Variants in DNAH10 observed in about 807,000 individuals in gnomAD.
The protein encoded by DNAH10 is axonemal beta dynein heavy chain 10.
In DNAH10, 348 loss-of-function variants were observed where a neutral mutation model predicts 506.6. The observed-to-expected ratio is 0.69, with a 90% CI of 0.63 to 0.75. The LOEUF (loss-of-function observed/expected upper bound fraction) is 0.75. Among genes scored for constraint, DNAH10 ranks in the 30% least tolerant of loss-of-function variants. The pLI, the probability that DNAH10 is intolerant of heterozygous loss-of-function variation, is 0.00. For synonymous variants in DNAH10, 2,059 were observed against 2,198.6 expected, an observed-to-expected ratio of 0.94 and a Z score of 1.78; for missense variants, 5,179 against 5,787.1, an observed-to-expected ratio of 0.89 and a Z score of 3.41.
Position 123,787,798 on chromosome 12 carries a change from TC to T in DNAH10, c.1422-5del. ...CCTCCCATCACGGCATCTCTTGGCT[TC>T]GCAGAGAAAATCGAGCGAGTGCCCA... On this transcript the variant is annotated splice_region_variant and splice_polypyrimidine_tract_variant and intron_variant, in intron 9 of 78. Coordinates refer to ENST00000673944, the MANE Select transcript of DNAH10 (RefSeq NM_001372106.1). This position sits in a 1 kb window ranked among gnomAD's most constrained non-coding sequence, Gnocchi z 4.6. The T allele has an allele frequency of 6.2e-7, 1 of 1,612,656 alleles. No individual in the cohort carries two copies. The highest frequency in any genetic ancestry group is 1.7e-5 in the Admixed American group (1 of 59,780).
At position 123,846,192 on chromosome 12, in the gene DNAH10, T is replaced by C; in HGVS notation, c.5814+38T>C. 6.3e-7 allele frequency: 1 copy of C among 1,585,530 alleles called. No homozygotes were observed. The highest frequency in any genetic ancestry group is 1.1e-5 in the South Asian group (1 of 87,458). ...CTGGCACTTGTGGTTACCACTTACC[T>C]TGGGGCGGGGCATTTTCTCTAAGCT... On this transcript the variant is annotated intron_variant, in intron 32 of 78. Coordinates refer to ENST00000673944, the MANE Select transcript of DNAH10 (RefSeq NM_001372106.1). The surrounding 1 kb of genome is among the most constrained non-coding windows in gnomAD (Gnocchi z 4.5).
In DNAH10 at chr12:123,891,523, C is replaced by G. The variant is rs138943911; in HGVS notation, c.8996-1710C>G. Reference sequence around the variant, plus strand: ...CCGAGTGAACCATCCAGGGAGAGCCCAGCACTGAGTTCAGGTGGAAGAGGA... The same window carrying G: ...CCGAGTGAACCATCCAGGGAGAGCCGAGCACTGAGTTCAGGTGGAAGAGGA... On this transcript the variant is annotated intron_variant, in intron 52 of 78. Transcript: ENST00000673944. Among the ~76,000 whole-genome samples the G allele has an allele frequency of 3.0e-3, 456 of 152,150 alleles. 4 individuals are homozygous for G. The highest frequency in any genetic ancestry group is 0.01 in the African/African-American group (423 of 41,504).
At chr12:123,856,628 G>A (rs906682245) in intron 36 of DNAH10, among the ~76,000 whole-genome samples, 11 of 149,990 alleles carry the variant, frequency 7.3e-5, no homozygotes, top group East Asian at 1.9e-4. Flanking sequence ...CACTGCACCC[G>A]GCCATATATG....
intron 11 of DNAH10, among the ~76,000 whole-genome samples, chr12:123,793,015 G>A (rs2136231723): frequency 6.6e-6 from 1 of 152,248 alleles, no homozygotes; most frequent in Non-Finnish European, 1.5e-5. Flanking sequence ...CCTTTCTTTA[G>A]AAATTTGAAG....
chr12:123,853,615 T>G lies in DNAH10; in HGVS notation c.6438+263T>G, dbSNP rs1352590946. Reference sequence around the variant, plus strand: ...ATGCTTCCATAGTAATAATCTGTAGTCTCAGGATGGGTGTGGCGGAAGGGT... The same window carrying G: ...ATGCTTCCATAGTAATAATCTGTAGGCTCAGGATGGGTGTGGCGGAAGGGT... On this transcript the variant is annotated intron_variant, in intron 36 of 78. Coordinates refer to ENST00000673944, the MANE Select transcript of DNAH10 (RefSeq NM_001372106.1). The surrounding 1 kb of genome is among the most constrained non-coding windows in gnomAD (Gnocchi z 4.7). 6.6e-6 allele frequency among the ~76,000 whole-genome samples: 1 copy of G among 152,094 alleles called. No homozygotes were observed. Among genetic ancestry groups the G allele is most frequent in the East Asian group, 1.9e-4 (1 of 5,202 alleles).
chr12:123,915,065 G>A (rs1034018000), intron 62 of DNAH10, 66 bp downstream of exon 62: 4 of 1,510,452 alleles, frequency 2.6e-6, no homozygotes, highest in Non-Finnish European at 3.5e-6. Flanking sequence ...TGCCCCTCCC[G>A]CCTCCTGTAC....
chr12:123,859,268 A>G lies in DNAH10; in HGVS notation c.6749A>G (p.Lys2250Arg), dbSNP rs1293529738. 1.9e-6 allele frequency: 3 copies of G among 1,596,914 alleles called. No homozygotes were observed. Among genetic ancestry groups the G allele is most frequent in the Non-Finnish European group, 2.6e-6 (3 of 1,173,450 alleles). Residue 2250 changes from lysine (K) to arginine (R), a missense_variant and splice_region_variant, in exon 38 of 79, where the codon AAG (lysine) becomes AGG (arginine). Lys to Arg is a conservative substitution (Grantham distance 26). Transcript: ENST00000673944. ...AACACTCTGTGTCAGGCCCAGACCA[A>G]GTGAGTATGACCTCCGTAGGGAGGG... ...VINTLCQAQT[K>R]LGLTTKLYIL...
chr12:123,883,575 G>C (rs114966589), intron 51 of DNAH10, among the ~76,000 whole-genome samples: 4 of 152,060 alleles, frequency 2.6e-5, no homozygotes, highest in Non-Finnish European at 4.4e-5. Flanking sequence ...TTTGCCTCTG[G>C]TTGCATGATA....
rs532981261 is a variant in DNAH10 at position 123,776,636 on chromosome 12, TA to T, written c.621+2386del. On this transcript the variant is annotated intron_variant, in intron 5 of 78. Transcript: ENST00000673944. Reference sequence around the variant, plus strand: ...GGGTGACAGAGAGATATTCCATCTCTAAAAAAAAAAAAAAGAAAAATAAATT... The same window carrying T: ...GGGTGACAGAGAGATATTCCATCTCTAAAAAAAAAAAAAGAAAAATAAATT... 7.5e-3 allele frequency among the ~76,000 whole-genome samples: 974 copies of T among 129,850 alleles called. 10 individuals carry two copies. Among genetic ancestry groups the T allele is most frequent in the African/African-American group, 0.015 (542 of 36,062 alleles). 85.2% of individuals were successfully genotyped at this position (129,850 alleles called of 152,430 possible). A position where few individuals can be genotyped will look rare whatever the true frequency, so the allele number is the denominator to read the frequency against.
intron 57 of DNAH10, among the ~76,000 whole-genome samples, chr12:123,906,824 TA>T (rs1166051441): frequency 2.0e-5 from 3 of 152,214 alleles, no homozygotes; most frequent in Non-Finnish European, 4.4e-5. Flanking sequence ...TTTAAGTCCT[TA>T]AAAAGCGCTT....
In DNAH10 at chr12:123,898,769, G is replaced by A. The variant is rs1246358575; in HGVS notation, c.9595G>A (p.Ala3199Thr). 1.1e-5 allele frequency: 18 copies of A among 1,612,446 alleles called. No homozygotes were observed. The highest frequency in any genetic ancestry group is 4.5e-5 in the East Asian group (2 of 44,858). The part of the protein sequence containing the change: ...QKIVLAEKSA[A>T]CEALLEEIAV... Reference sequence around the variant, plus strand: ...GATCGTGCTGGCGGAGAAGTCCGCCGCCTGCGAGGCCTTGCTGGAGGAGAT... The same window carrying A: ...GATCGTGCTGGCGGAGAAGTCCGCCACCTGCGAGGCCTTGCTGGAGGAGAT... The change falls in exon 56 of 79, where the codon GCC (alanine) becomes ACC (threonine). Residue 3199 changes from alanine (A) to threonine (T), a missense_variant. Coordinates refer to ENST00000673944, the MANE Select transcript of DNAH10 (RefSeq NM_001372106.1).
At chr12:123,874,203 T>C (rs1005644280) in intron 46 of DNAH10, among the ~76,000 whole-genome samples, 1 of 152,156 alleles carries the variant, frequency 6.6e-6, no homozygotes, top group Non-Finnish European at 1.5e-5. Context: ...ATTATTTCAT[T>C]GAACCATTTT....
rs780395030 is a variant in DNAH10 at position 123,771,636 on chromosome 12, C to G, written c.334C>G (p.Gln112Glu). Residue 112 changes from glutamine to glutamate, a missense_variant, in exon 3 of 79, where the codon CAA becomes GAA. By Grantham distance (29) the Gln-to-Glu change is conservative (BLOSUM62 2). Coordinates refer to ENST00000673944, the MANE Select transcript of DNAH10 (RefSeq NM_001372106.1). ...RVSLRTESLG[Q>E]PLNREDEEMD... ...GTCACTGAGAACCGAATCTCTAGGC[C>G]AACCTCTAAACAGAGAGGATGAAGA... is the stretch of plus-strand genomic sequence containing the variant. The G allele has an allele frequency of 6.2e-7, 1 of 1,613,688 alleles. No homozygotes were observed. Among genetic ancestry groups the G allele is most frequent in the East Asian group, 2.2e-5 (1 of 44,886 alleles).
chr12:123,877,712 G>T, intron 47 of DNAH10, 24 bp from the exon 48 acceptor site: 1 of 1,601,452 alleles, frequency 6.2e-7, no homozygotes, highest in Non-Finnish European at 8.5e-7. Context: ...TGTGTGTTGG[G>T]GGGGGTGTCT....
Position 123,838,529 on chromosome 12 carries a change from A to G in DNAH10, c.4976A>G (p.Gln1659Arg), listed in dbSNP as rs767258048. ...CEAPNRLSDLQNVSEGLEKCQ... is the reference protein window; with the variant it reads ...CEAPNRLSDLRNVSEGLEKCQ... ...GCCCCAAACCGCCTCAGTGACCTAC[A>G]GAACGTCAGCGAGGGCCTGGAGAAA... is the stretch of plus-strand genomic sequence containing the variant. Residue 1659 changes from glutamine (Q) to arginine (R), a missense_variant, in exon 29 of 79, where the codon CAG becomes CGG. Physicochemically the swap from Gln to Arg is conservative, Grantham distance 43. This residue lies in a region of DNAH10 where 4,844 missense variants were observed against 5,430.5 expected (regional missense o/e 0.89). Transcript: ENST00000673944. 3 of 1,614,072 alleles carry G rather than the reference A, an allele frequency of 1.9e-6. No individual in the cohort carries two copies. Among genetic ancestry groups the G allele is most frequent in the Non-Finnish European group, 2.5e-6 (3 of 1,179,902 alleles).
rs1466346706 is a variant in DNAH10, at chr12:123,916,517, A to G, written c.10783A>G (p.Thr3595Ala). Residue 3595 changes from threonine to alanine, a missense_variant, in exon 63 of 79, where the codon ACC becomes GCC. By Grantham distance (58) the Thr-to-Ala change is moderately conservative. This residue lies in a region of DNAH10 where 4,844 missense variants were observed against 5,430.5 expected (regional missense o/e 0.89). Transcript: ENST00000673944. The surrounding 1 kb of genome is among the most constrained non-coding windows in gnomAD (Gnocchi z 4.6). ...GCTAGAGATGTCCATAAAGTACGGG[A>G]CCCCTTTCCTGTTCCGCGATGTTGA... ...KQLEMSIKYGTPFLFRDVDEY... is the reference protein window; with the variant it reads ...KQLEMSIKYGAPFLFRDVDEY... 6.2e-7 allele frequency: 1 copy of G among 1,613,498 alleles called. No individual in the cohort carries two copies. The highest frequency in any genetic ancestry group is 8.5e-7 in the Non-Finnish European group (1 of 1,179,850).
intron 47 of DNAH10, among the ~76,000 whole-genome samples, chr12:123,876,738 G>T (rs1952272123): frequency 6.6e-6 from 1 of 152,206 alleles, no homozygotes; most frequent in African/African-American, 2.4e-5. Flanking sequence ...GAGGAGAGCG[G>T]ATCACTCGAG....
chr12:123,935,261 T>G, intron 78 of DNAH10, 74 bp from the exon 79 acceptor site: 1 of 1,557,926 alleles, frequency 6.4e-7, no homozygotes, highest in Non-Finnish European at 8.8e-7. Flanking sequence ...CTGTCAAGAC[T>G]TACACTGCAC....
chr12:123,815,852 G>T (rs999761300), intron 21 of DNAH10, among the ~76,000 whole-genome samples: 1 of 152,174 alleles, frequency 6.6e-6, no homozygotes, highest in African/African-American at 2.4e-5. Flanking sequence ...ATCCTGTCCA[G>T]CATGTACTGT....
Sources: allele counts gnomAD v4.1 joint callset (sites outside exome capture counted in the v4.1 genomes callset), GRCh38; gene constraint gnomAD v4.1.1; regional missense constraint gnomAD v4.1.1; non-coding constraint Gnocchi (gnomAD v3.1); transcripts MANE v1.5; gene names NCBI Gene and HGNC (gene_info 2026-07-23, HGNC 2026-07-21).